Variants in CHRNA10 observed in about 807,000 individuals in gnomAD.
CHRNA10 encodes the protein cholinergic receptor nicotinic alpha 10 subunit.
In CHRNA10, 31 loss-of-function variants were observed where a neutral mutation model predicts 36.0. That is an observed-to-expected ratio of 0.86 (90% CI 0.65 to 1.16). The LOEUF (loss-of-function observed/expected upper bound fraction) is 1.16. Among genes scored for constraint, CHRNA10 ranks in the 50% most tolerant of loss-of-function variants. CHRNA10 has a pLI of 0.00. For synonymous variants in CHRNA10, 302 were observed against 287.0 expected (o/e 1.05, Z -0.53); for missense variants, 648 against 640.9 (o/e 1.01, Z -0.12).
At chr11:3,667,026 CCAT>C (rs2077667536) in intron 4 of CHRNA10, among the ~76,000 whole-genome samples, 2 of 152,184 alleles carry the variant, frequency 1.3e-5, no homozygotes, top group African/African-American at 4.8e-5. Flanking sequence ...TACTGATGTT[CCAT>C]CATCAAGGGC....
At chr11:3,670,466 C>G (rs948243016) in intron 1 of CHRNA10, among the ~76,000 whole-genome samples, 11 of 152,186 alleles carry the variant, frequency 7.2e-5, no homozygotes, top group African/African-American at 2.7e-4. Flanking sequence ...GAATCCTGTC[C>G]TTGGCTCCCA....
intron 4 of CHRNA10, 75 bp from the exon 5 acceptor site, chr11:3,666,639 C>G: frequency 8.5e-7 from 1 of 1,172,966 alleles, no homozygotes; most frequent in Non-Finnish European, 1.2e-6. Flanking sequence ...CACCTCTGCA[C>G]AAATGGAAAT....
chr11:3,665,685 T>C lies in CHRNA10; in HGVS notation c.*422A>G, dbSNP rs2077654114. ...CTCGACTGAGAATCCCCGACCCTTT[T>C]CCCTGAGCCCCTCAGCAGGGAAAGG... On this transcript the variant is annotated 3_prime_UTR_variant, in exon 5 of 5. Transcript: ENST00000250699. 6.4e-6 allele frequency: 1 copy of C among 157,098 alleles called. No individual in the cohort carries two copies. The highest frequency in any genetic ancestry group is 1.9e-4 in the East Asian group (1 of 5,358). 9.7% of individuals were successfully genotyped at this position (157,098 alleles called of 1,614,324 possible). A position where few individuals can be genotyped will look rare whatever the true frequency, so the allele number is the denominator to read the frequency against.
In CHRNA10 at chr11:3,667,218, C is replaced by A; in HGVS notation, c.895+14G>T. 1.9e-6 allele frequency: 3 copies of A among 1,553,230 alleles called. No homozygotes were observed. The highest frequency in any genetic ancestry group is 1.2e-5 in the South Asian group (1 of 86,050). On this transcript the variant is annotated intron_variant, in intron 4 of 4. Transcript: ENST00000250699. ...CAGCGCATCGTCAGGTCCCCCCGCG[C>A]CCCCGCTGCTCACCGATGAGCGGCA...
rs1006849025 is a variant in CHRNA10, at chr11:3,667,780, G to A, written c.363-16C>T. The A allele has an allele frequency of 2.7e-6, 4 of 1,493,552 alleles. No homozygotes were observed. Among genetic ancestry groups the A allele is most frequent in the Non-Finnish European group, 3.5e-6 (4 of 1,129,062 alleles). The allele number at this position is 1,493,552 out of a possible 1,614,324, so 92.5% of individuals were successfully genotyped here. A position where few individuals can be genotyped will look rare whatever the true frequency, so the allele number is the denominator to read the frequency against. The stretch of plus-strand genomic sequence containing the variant: ...CGCGTCGGCTCTGGGGGCAGGCGGG[G>A]CAGGGCTCACCTAGGCTGTCCAGCC... On this transcript the variant is annotated splice_polypyrimidine_tract_variant and intron_variant, in intron 3 of 4. Coordinates refer to ENST00000250699, the MANE Select transcript of CHRNA10 (RefSeq NM_020402.4).
Position 3,669,984 on chromosome 11 carries a change from C to A in CHRNA10, c.62-43G>T, listed in dbSNP as rs2741867. ...AGGGTTGTCCATCCCAGGCCCTAGT[C>A]CCAGGGCCTCTGCTCACACCCTCCA... On this transcript the variant is annotated intron_variant, in intron 1 of 4. Transcript: ENST00000250699. 3 of 1,608,602 alleles carry A rather than the reference C, an allele frequency of 1.9e-6. No homozygotes were observed. In the Admixed American group the frequency reaches 5.0e-5, roughly 27 times the overall value.
In CHRNA10 at chr11:3,667,440, C is replaced by A; in HGVS notation, c.687G>T (p.Thr229=). ...CGGCGGCGCGGCGGCGCAGCAGCAG[C>A]GTGAAGGTGACGTCGGGGTAGGGCT... The part of the protein sequence containing the change: ...CSEPYPDVTF[T]LLLRRRAAAY... Residue 229 remains threonine, a synonymous_variant, in exon 4 of 5, where the codon ACG becomes ACT. Coordinates refer to ENST00000250699, the MANE Select transcript of CHRNA10 (RefSeq NM_020402.4). 1 of 1,596,042 alleles carries A rather than the reference C, an allele frequency of 6.3e-7. No individual in the cohort carries two copies. Among genetic ancestry groups the A allele is most frequent in the Non-Finnish European group, 8.5e-7 (1 of 1,176,600 alleles).
chr11:3,667,724 C>A lies in CHRNA10; in HGVS notation c.403G>T (p.Val135Phe). The stretch of plus-strand genomic sequence containing the variant: ...CGCACGGCGCCATCGTGGCGCAGGA[C>A]CACGTTGGTGCTGGCGGAACCTGGA... Reference protein sequence around the residue: ...QPPGSASTNVVLRHDGAVRWD... With the variant: ...QPPGSASTNVFLRHDGAVRWD... Residue 135 changes from valine to phenylalanine, a missense_variant, in exon 4 of 5, where the codon GTC (valine) becomes TTC (phenylalanine). Physicochemically the swap from Val to Phe is conservative, Grantham distance 50. Coordinates refer to ENST00000250699, the MANE Select transcript of CHRNA10 (RefSeq NM_020402.4). 2 of 1,571,794 alleles carry A rather than the reference C, an allele frequency of 1.3e-6. No individual in the cohort carries two copies. The highest frequency in any genetic ancestry group is 1.7e-6 in the Non-Finnish European group (2 of 1,166,476).
In CHRNA10 at chr11:3,667,729, TTG is replaced by T; in HGVS notation, c.396_397del (p.Asn133ArgfsTer204). On this transcript the variant is annotated frameshift_variant, in exon 4 of 5. Coordinates refer to ENST00000250699, the MANE Select transcript of CHRNA10 (RefSeq NM_020402.4). LOFTEE classifies it high-confidence loss of function. The stretch of plus-strand genomic sequence containing the variant: ...GGCGCCATCGTGGCGCAGGACCACG[TTG>T]GTGCTGGCGGAACCTGGAGGCTGCG... 6.4e-7 allele frequency: 1 copy of T among 1,568,904 alleles called. No individual in the cohort carries two copies. Among genetic ancestry groups the T allele is most frequent in the Non-Finnish European group, 8.6e-7 (1 of 1,164,936 alleles).
intron 1 of CHRNA10, among the ~76,000 whole-genome samples, chr11:3,670,679 G>A (rs1005933258): frequency 6.6e-6 from 1 of 152,196 alleles, no homozygotes; most frequent in Non-Finnish European, 1.5e-5. Context: ...AGTGACCTTA[G>A]TTGGAAATCT....
Position 3,669,217 on chromosome 11 carries a change from G to A in CHRNA10, c.341C>T (p.Pro114Leu). 6.2e-7 allele frequency: 1 copy of A among 1,613,784 alleles called. No homozygotes were observed. The highest frequency in any genetic ancestry group is 2.2e-5 in the East Asian group (1 of 44,874). Residue 114 changes from proline to leucine, a missense_variant, in exon 3 of 5, where the codon CCA becomes CTA. Physicochemically the swap from Pro to Leu is moderately conservative, Grantham distance 98. Transcript: ENST00000250699. ...IRIPSSLVWR[P>L]DIVLYNKADA... ...GTACTTGTTATAGAGTACGATGTCTGGCCGCCACACAAGACTGCTGGGGAT... is the reference window on the plus strand; with the variant it reads ...GTACTTGTTATAGAGTACGATGTCTAGCCGCCACACAAGACTGCTGGGGAT...
At chr11:3,668,462 G>A (rs936188305) in intron 3 of CHRNA10, 1 of 152,246 alleles carries the variant, frequency 6.6e-6, no homozygotes, top group Non-Finnish European at 1.5e-5. Flanking sequence ...GCAGTGAGCC[G>A]AGATAGCGCC....
At chr11:3,670,003 C>G (rs907774003) in intron 1 of CHRNA10, 62 bp from the exon 2 acceptor site, 1 of 1,583,344 alleles carries the variant, frequency 6.3e-7, no homozygotes, top group Non-Finnish European at 8.7e-7. Flanking sequence ...TCTGCTCACA[C>G]CCTCCACTCC....
rs762896708 is a variant in CHRNA10, at chr11:3,667,536, C to T, written c.591G>A (p.Val197=). The change falls in exon 4 of 5, where the codon GTG becomes GTA. Residue 197 remains valine (V), a synonymous_variant. Transcript: ENST00000250699. ...RGAAASLADF[V]ENVEWRVLGM... is the part of the protein sequence containing the mutation. ...CCAGCACGCGCCACTCCACGTTCTC[C>T]ACGAAGTCCGCCAGGCTGGCTGCAG... is the stretch of plus-strand genomic sequence containing the variant. The T allele has an allele frequency of 3.2e-6, 5 of 1,585,728 alleles. No individual in the cohort carries two copies. In the South Asian group the frequency reaches 5.6e-5, roughly 18 times the overall value.
chr11:3,669,862 A>T lies in CHRNA10; in HGVS notation c.141T>A (p.Pro47=), dbSNP rs2077700572. 6.2e-7 allele frequency: 1 copy of T among 1,614,142 alleles called. No individual in the cohort carries two copies. The highest frequency in any genetic ancestry group is 2.2e-5 in the East Asian group (1 of 44,870). ...LFANYTSALR[P]VADTDQTLNV... ...TCAGAGTCTGGTCTGTGTCTGCCAC[A>T]GGTCTCAGGGCACTTGTGTAGTTGG... The change falls in exon 2 of 5, where the codon CCT becomes CCA. Residue 47 remains proline, a synonymous_variant. Transcript: ENST00000250699.
Position 3,671,253 on chromosome 11 carries a change from T to C in CHRNA10, c.60A>G (p.Ala20=). The C allele has an allele frequency of 6.2e-7, 1 of 1,614,078 alleles. No homozygotes were observed. The highest frequency in any genetic ancestry group is 8.5e-7 in the Non-Finnish European group (1 of 1,179,924). ...LGLLLLFLLP[A]ECLGAEGRLA... is the part of the protein sequence containing the mutation. ...GGGCTGGTGTACTGAGCTTCATACC[T>C]GCAGGGAGTAGAAACAGAAGCAGAA... is the stretch of plus-strand genomic sequence containing the variant. Residue 20 remains alanine (A), a splice_region_variant and synonymous_variant, in exon 1 of 5, where the codon GCA becomes GCG. Transcript: ENST00000250699.
chr11:3,667,847 C>T (rs767645462), intron 3 of CHRNA10, 83 bp from the exon 4 acceptor site: 3 of 1,275,136 alleles, frequency 2.4e-6, no homozygotes, highest in Non-Finnish European at 3.1e-6. Flanking sequence ...GGCAGACCCC[C>T]AGGGGCTGAA....
At chr11:3,670,357 TTC>T (rs1198381438) in intron 1 of CHRNA10, among the ~76,000 whole-genome samples, 1 of 152,174 alleles carries the variant, frequency 6.6e-6, no homozygotes, top group Non-Finnish European at 1.5e-5. Context: ...TCTTCAAAAC[TTC>T]TGATGCGATG....
At position 3,665,793 on chromosome 11, in the gene CHRNA10, C is replaced by G; in HGVS notation, c.*314G>C. 3.7e-6 allele frequency: 1 copy of G among 273,276 alleles called. No homozygotes were observed. Among genetic ancestry groups the G allele is most frequent in the Non-Finnish European group, 6.9e-6 (1 of 145,742 alleles). The allele number at this position is 273,276 out of a possible 1,614,324, so 16.9% of individuals were successfully genotyped here. A position where few individuals can be genotyped will look rare whatever the true frequency, so the allele number is the denominator to read the frequency against. ...TACAGTTCAGTTTCTCATTATAACC[C>G]ATGTGCTCCCCACTGAGAGCTCCAA... On this transcript the variant is annotated 3_prime_UTR_variant, in exon 5 of 5. Transcript: ENST00000250699.
Sources: allele counts gnomAD v4.1 joint callset (sites outside exome capture counted in the v4.1 genomes callset), GRCh38; gene constraint gnomAD v4.1.1; transcripts MANE v1.5; gene names NCBI Gene and HGNC (gene_info 2026-07-23, HGNC 2026-07-21).